Variants in AGPAT4 observed in about 807,000 individuals in gnomAD.
The protein encoded by AGPAT4 is 1-acyl-sn-glycerol-3-phosphate acyltransferase delta.
AGPAT4 carries 15 observed loss-of-function variants against 48.0 expected under a neutral mutation model. That is an observed-to-expected ratio of 0.31 (90% confidence interval 0.21 to 0.48). The LOEUF (loss-of-function observed/expected upper bound fraction) is 0.48. Ranked by LOEUF, AGPAT4 falls within the 20% of genes least tolerant of loss-of-function variation. The pLI is 0.99. For missense variants in AGPAT4, 314 were observed against 482.5 expected (o/e 0.65, Z 3.27); for synonymous variants, 178 against 198.7 (o/e 0.90, Z 0.88).
chr6:161,200,865 C>T lies in AGPAT4; in HGVS notation c.178+31171G>A, dbSNP rs959420199. ...ATCCAAACTCATAAACACAGATACC[C>T]TCTATTGCCTCATTTTAGAATGGCA... On this transcript the variant is annotated intron_variant, in intron 2 of 8. Transcript: ENST00000320285. The surrounding 1 kb of genome is among the most constrained non-coding windows in gnomAD (Gnocchi z 5.5). 1.3e-5 allele frequency among the ~76,000 whole-genome samples: 2 copies of T among 152,184 alleles called. No individual in the cohort carries two copies.
rs1318263508 is a variant in AGPAT4 at position 161,131,171 on chromosome 6, G to A, written c.*5369C>T. On this transcript the variant is annotated 3_prime_UTR_variant, in exon 9 of 9. Coordinates refer to ENST00000320285, the MANE Select transcript of AGPAT4 (RefSeq NM_020133.3). The stretch of plus-strand genomic sequence containing the variant: ...CTTGTTTTAAAAAAACAAATTAAAT[G>A]TAAAAATTGTATGACTCTTACCCAG... 6.7e-6 allele frequency: 2 copies of A among 297,916 alleles called. No homozygotes were observed. Among genetic ancestry groups the A allele is most frequent in the African/African-American group, 4.3e-5 (2 of 46,010 alleles). 18.5% of individuals were successfully genotyped at this position (297,916 alleles called of 1,614,324 possible).
rs1428168417 is a variant in AGPAT4, at chr6:161,226,259, T to C, written c.178+5777A>G. 6.6e-6 allele frequency among the ~76,000 whole-genome samples: 1 copy of C among 152,136 alleles called. No individual in the cohort carries two copies. Among genetic ancestry groups the C allele is most frequent in the Non-Finnish European group, 1.5e-5 (1 of 68,032 alleles). ...TTCTGACATCTTGGAGCTGAGTAACTACCTATCAGGACAAGTGAAGGAGTC... is the reference window on the plus strand; with the variant it reads ...TTCTGACATCTTGGAGCTGAGTAACCACCTATCAGGACAAGTGAAGGAGTC... On this transcript the variant is annotated intron_variant, in intron 2 of 8. Coordinates refer to ENST00000320285, the MANE Select transcript of AGPAT4 (RefSeq NM_020133.3). This position sits in a 1 kb window ranked among gnomAD's most constrained non-coding sequence, Gnocchi z 6.3.
chr6:161,145,651 A>C (rs1779398406), intron 7 of AGPAT4, among the ~76,000 whole-genome samples: 1 of 151,598 alleles, frequency 6.6e-6, no homozygotes, highest in Non-Finnish European at 1.5e-5. Flanking sequence ...GTAGGGTTAA[A>C]GTTCTTATTC....
chr6:161,257,753 A>T (rs1362099058), intron 1 of AGPAT4, among the ~76,000 whole-genome samples: 1 of 152,220 alleles, frequency 6.6e-6, no homozygotes, highest in Non-Finnish European at 1.5e-5. Context: ...AGAAAAAAAA[A>T]GGAAAGACAG....
At position 161,140,567 on chromosome 6, in the gene AGPAT4, G is replaced by A. The variant is rs1351309410; in HGVS notation, c.844-947C>T. On this transcript the variant is annotated intron_variant, in intron 7 of 8. Transcript: ENST00000320285. The surrounding 1 kb of genome is among the most constrained non-coding windows in gnomAD (Gnocchi z 6.5). ...GTCACGGAGCTCCCGCTCAGGGACT[G>A]GGGCTCAGCCGCAAGGAGCTGCTGA... is the stretch of plus-strand genomic sequence containing the variant. Among the ~76,000 whole-genome samples the A allele has an allele frequency of 6.6e-6, 1 of 152,252 alleles. No homozygotes were observed. Among genetic ancestry groups the A allele is most frequent in the Non-Finnish European group, 1.5e-5 (1 of 68,036 alleles).
chr6:161,181,520 T>G, intron 2 of AGPAT4, among the ~76,000 whole-genome samples: 1 of 147,306 alleles, frequency 6.8e-6, no homozygotes, highest in Non-Finnish European at 1.5e-5. Flanking sequence ...CGGGGGGCGC[T>G]TCCTAACTGC....
rs1779429335 is a variant in AGPAT4 at position 161,146,445 on chromosome 6, G to T, written c.843+79C>A. 6 of 1,397,566 alleles carry T rather than the reference G, an allele frequency of 4.3e-6. No individual in the cohort carries two copies. In the Admixed American group the frequency reaches 1.1e-4, roughly 25 times the overall value. 86.6% of individuals were successfully genotyped at this position (1,397,566 alleles called of 1,614,324 possible). A position where few individuals can be genotyped will look rare whatever the true frequency, so the allele number is the denominator to read the frequency against. On this transcript the variant is annotated intron_variant, in intron 7 of 8. Transcript: ENST00000320285. This position sits in a 1 kb window ranked among gnomAD's most constrained non-coding sequence, Gnocchi z 7.1. ...GTGAGATCTCGCCCACCGGAGAAAG[G>T]CCTGCTACCACACAACACAGCCACA... is the stretch of plus-strand genomic sequence containing the variant.
Position 161,229,634 on chromosome 6 carries a change from G to A in AGPAT4, c.178+2402C>T, listed in dbSNP as rs967610659. ...CTGGCGAGGATTCTCTCAAACCTGGGGATAGTTTGCACTGGCTTATCACCA... is the reference window on the plus strand; with the variant it reads ...CTGGCGAGGATTCTCTCAAACCTGGAGATAGTTTGCACTGGCTTATCACCA... On this transcript the variant is annotated intron_variant, in intron 2 of 8. Transcript: ENST00000320285. The surrounding 1 kb of genome is among the most constrained non-coding windows in gnomAD (Gnocchi z 6.0). Among the ~76,000 whole-genome samples, 1 of 152,084 alleles carries A rather than the reference G, an allele frequency of 6.6e-6. No homozygotes were observed. The highest frequency in any genetic ancestry group is 1.5e-5 in the Non-Finnish European group (1 of 68,010).
At chr6:161,187,873 T>C (rs1190130655) in intron 2 of AGPAT4, among the ~76,000 whole-genome samples, 1 of 152,270 alleles carries the variant, frequency 6.6e-6, no homozygotes, top group African/African-American at 2.4e-5. Flanking sequence ...AGCACCATTA[T>C]AAAATTACTA....
Position 161,161,368 on chromosome 6 carries a change from G to A in AGPAT4, c.348+4880C>T, listed in dbSNP as rs771424385. 19 of 456,576 alleles carry A rather than the reference G, an allele frequency of 4.2e-5. No individual in the cohort carries two copies. The highest frequency in any genetic ancestry group is 1.2e-4 in the Admixed American group (5 of 42,562). The allele number at this position is 456,576 out of a possible 1,614,324, so 28.3% of individuals were successfully genotyped here. ...CAGTGGTTCGCCTGCTACCTCGGTC[G>A]TCACCATTATCGGGTTCCTCATCCA... On this transcript the variant is annotated intron_variant, in intron 3 of 8. Transcript: ENST00000320285. This position sits in a 1 kb window ranked among gnomAD's most constrained non-coding sequence, Gnocchi z 4.6.
Position 161,154,077 on chromosome 6 carries a change from A to G in AGPAT4, c.510+72T>C. On this transcript the variant is annotated intron_variant, in intron 4 of 8. Transcript: ENST00000320285. The surrounding 1 kb of genome is among the most constrained non-coding windows in gnomAD (Gnocchi z 7.8). ...ACCACACAGTCACGTGTCCTGTGGAAGTCACATGGGGGTCCCACGGTCACA... is the reference window on the plus strand; with the variant it reads ...ACCACACAGTCACGTGTCCTGTGGAGGTCACATGGGGGTCCCACGGTCACA... 6.3e-7 allele frequency: 1 copy of G among 1,598,042 alleles called. No individual in the cohort carries two copies. Among genetic ancestry groups the G allele is most frequent in the Non-Finnish European group, 8.6e-7 (1 of 1,168,622 alleles).
At position 161,214,753 on chromosome 6, in the gene AGPAT4, A is replaced by C. The variant is rs1007923271; in HGVS notation, c.178+17283T>G. 2.0e-5 allele frequency among the ~76,000 whole-genome samples: 3 copies of C among 152,242 alleles called. No individual in the cohort carries two copies. Among genetic ancestry groups the C allele is most frequent in the African/African-American group, 7.2e-5 (3 of 41,468 alleles). ...CACTGCACTCTAGCCTGGGTGACAG[A>C]GGAAGACTCCGTCTCAAAATAAATA... On this transcript the variant is annotated intron_variant, in intron 2 of 8. Coordinates refer to ENST00000320285, the MANE Select transcript of AGPAT4 (RefSeq NM_020133.3). This position sits in a 1 kb window ranked among gnomAD's most constrained non-coding sequence, Gnocchi z 5.4.
rs997093503 is a variant in AGPAT4 at position 161,262,878 on chromosome 6, C to T, written c.-90+11060G>A. Among the ~76,000 whole-genome samples the T allele has an allele frequency of 4.6e-5, 7 of 152,074 alleles. No homozygotes were observed. Among genetic ancestry groups the T allele is most frequent in the Non-Finnish European group, 7.4e-5 (5 of 68,020 alleles). ...GTGCTGATGAAAGATGCCAGCGAGCCGTGAGAGCTGAGGTGGCCAGTCCTT... is the reference window on the plus strand; with the variant it reads ...GTGCTGATGAAAGATGCCAGCGAGCTGTGAGAGCTGAGGTGGCCAGTCCTT... On this transcript the variant is annotated intron_variant, in intron 1 of 8. Transcript: ENST00000320285. This position sits in a 1 kb window ranked among gnomAD's most constrained non-coding sequence, Gnocchi z 4.9.
rs760894826 is a variant in AGPAT4, at chr6:161,232,205, G to C, written c.9C>G (p.Leu3=). The stretch of plus-strand genomic sequence containing the variant: ...GGAACTGAGACTTCAGCAGTCCCGC[G>C]AGGTCCATGATGCGTGGACGCTCTT... MD[L]AGLLKSQFLC... is the part of the protein sequence containing the mutation. The change falls in exon 2 of 9, where the codon CTC becomes CTG. Residue 3 remains leucine, a synonymous_variant. Transcript: ENST00000320285. The surrounding 1 kb of genome is among the most constrained non-coding windows in gnomAD (Gnocchi z 6.8). The C allele has an allele frequency of 7.4e-6, 12 of 1,613,924 alleles. No individual in the cohort carries two copies. The highest frequency in any genetic ancestry group is 8.5e-6 in the Non-Finnish European group (10 of 1,179,996).
At chr6:161,150,683 G>T (rs1012968243) in intron 5 of AGPAT4, among the ~76,000 whole-genome samples, 3 of 152,210 alleles carry the variant, frequency 2.0e-5, no homozygotes, top group African/African-American at 7.2e-5. Flanking sequence ...CCCCGCCTTG[G>T]GGCTGAAGGC....
Position 161,219,953 on chromosome 6 carries a change from GA to G in AGPAT4, c.178+12082del, listed in dbSNP as rs1781788027. Among the ~76,000 whole-genome samples the G allele has an allele frequency of 2.0e-5, 3 of 151,926 alleles. No individual in the cohort carries two copies. The highest frequency in any genetic ancestry group is 4.4e-5 in the Non-Finnish European group (3 of 67,988). On this transcript the variant is annotated intron_variant, in intron 2 of 8. Coordinates refer to ENST00000320285, the MANE Select transcript of AGPAT4 (RefSeq NM_020133.3). The surrounding 1 kb of genome is among the most constrained non-coding windows in gnomAD (Gnocchi z 4.9). ...AGGCAGGCAGGCAGGCAGGCAGACA[GA>G]CAGACAGACAGACAGGCAGGCAGAT...
chr6:161,252,743 G>A (rs546911714), intron 1 of AGPAT4, among the ~76,000 whole-genome samples: 1 of 152,322 alleles, frequency 6.6e-6, no homozygotes, highest in African/African-American at 2.4e-5. Flanking sequence ...CTGGGAGGTT[G>A]AGGCTGCAGT....
chr6:161,191,170 C>T (rs144922847), intron 2 of AGPAT4, among the ~76,000 whole-genome samples: 322 of 152,258 alleles, frequency 2.1e-3, no homozygotes, highest in African/African-American at 6.8e-3. Flanking sequence ...TATGTAACAA[C>T]GCAGTTAGCA....
intron 7 of AGPAT4, among the ~76,000 whole-genome samples, chr6:161,145,115 G>C (rs1481669135): frequency 6.6e-6 from 1 of 151,638 alleles, no homozygotes; most frequent in Non-Finnish European, 1.5e-5. Flanking sequence ...TTCTCTGTCG[G>C]GGCACATATG....
Sources: allele counts gnomAD v4.1 joint callset (sites outside exome capture counted in the v4.1 genomes callset), GRCh38; gene constraint gnomAD v4.1.1; non-coding constraint Gnocchi (gnomAD v3.1); transcripts MANE v1.5; gene names NCBI Gene and HGNC (gene_info 2026-07-23, HGNC 2026-07-21).